CLSTN2: variants seen among roughly 807,000 people sequenced by gnomAD.
The protein encoded by CLSTN2 is calsyntenin-2.
Under a neutral mutation model 101.2 loss-of-function variants are expected in CLSTN2, and 48 were observed. The ratio of observed to expected loss-of-function variants is 0.47; its 90% CI spans 0.38 to 0.60. CLSTN2 has a LOEUF of 0.60. Ranked by LOEUF, CLSTN2 falls within the 20% of genes least tolerant of loss-of-function variation. The probability of loss-of-function intolerance (pLI) is 0.00; values close to 1 mark genes in which losing one functional copy is unlikely to be tolerated. For synonymous variants in CLSTN2, 481 were observed against 463.6 expected (o/e 1.04, Z -0.48); for missense variants, 1,160 against 1,238.2 (o/e 0.94, Z 0.95).
At chr3:140,447,775 C>T (rs1218120373) in intron 5 of CLSTN2, among the ~76,000 whole-genome samples, 1 of 152,020 alleles carries the variant, frequency 6.6e-6, no homozygotes, top group African/African-American at 2.4e-5. Context: ...GTGAGGGGCA[C>T]AACACTCAAA....
At chr3:140,514,364 T>G (rs1934875419) in intron 8 of CLSTN2, among the ~76,000 whole-genome samples, 1 of 152,166 alleles carries the variant, frequency 6.6e-6, no homozygotes, top group Admixed American at 6.5e-5. Flanking sequence ...GAACATATGA[T>G]GTTTGATTTT....
At chr3:140,188,402 C>A (rs948605296) in intron 2 of CLSTN2, among the ~76,000 whole-genome samples, 1 of 152,158 alleles carries the variant, frequency 6.6e-6, no homozygotes, top group Non-Finnish European at 1.5e-5. Flanking sequence ...TTACAACCTA[C>A]CACTAAGAAG....
chr3:140,459,697 T>C lies in CLSTN2; in HGVS notation c.1150T>C (p.Trp384Arg), dbSNP rs1324477929. ...GACCGATCAGTTCACCATCACCATG[T>C]GGATGAAACACGGCCCCAGCCCTGG... ...NLTDQFTITM[W>R]MKHGPSPGVR... The change falls in exon 7 of 17, where the codon TGG (tryptophan) becomes CGG (arginine). Residue 384 changes from tryptophan (W) to arginine (R), a missense_variant. Physicochemically the swap from Trp to Arg is moderately radical, Grantham distance 101. Transcript: ENST00000458420. 2 of 1,614,100 alleles carry C rather than the reference T, an allele frequency of 1.2e-6. No homozygotes were observed. The highest frequency in any genetic ancestry group is 2.2e-5 in the East Asian group (1 of 44,866).
intron 1 of CLSTN2, among the ~76,000 whole-genome samples, chr3:139,956,302 A>G (rs1408234742): frequency 6.6e-6 from 1 of 152,094 alleles, no homozygotes; most frequent in Non-Finnish European, 1.5e-5. Flanking sequence ...TCTACTTTGT[A>G]CTCATTGAAG....
At chr3:140,195,383 C>A (rs2010629427) in intron 2 of CLSTN2, among the ~76,000 whole-genome samples, 1 of 152,184 alleles carries the variant, frequency 6.6e-6, no homozygotes, top group African/African-American at 2.4e-5. Context: ...TGTGTCATTT[C>A]TTGGGTCTCA....
In CLSTN2 at chr3:140,246,549, G is replaced by A. The variant is rs575478917; in HGVS notation, c.232+70476G>A. Among the ~76,000 whole-genome samples the A allele has an allele frequency of 7.9e-5, 12 of 152,186 alleles. No individual in the cohort carries two copies. In the South Asian group the frequency reaches 2.5e-3, roughly 32 times the overall value. On this transcript the variant is annotated intron_variant, in intron 2 of 16. Transcript: ENST00000458420. ...CCTGTGTTTTCTGGCCTGCACAATG[G>A]GCATGATACTGATTTCAGAGAATGA...
chr3:140,387,490 G>A (rs1490123259), intron 2 of CLSTN2, among the ~76,000 whole-genome samples: 2 of 152,198 alleles, frequency 1.3e-5, no homozygotes, highest in African/African-American at 4.8e-5. Context: ...GCAAAAGCCT[G>A]CTTGTTAATA....
intron 2 of CLSTN2, among the ~76,000 whole-genome samples, chr3:140,380,737 G>T (rs1047763763): frequency 1.3e-5 from 2 of 152,142 alleles, no homozygotes; most frequent in Admixed American, 1.3e-4. Flanking sequence ...CCATCTGCTG[G>T]AACCAATCTT....
At chr3:140,362,182 A>G (rs1249093816) in intron 2 of CLSTN2, among the ~76,000 whole-genome samples, 1 of 152,188 alleles carries the variant, frequency 6.6e-6, no homozygotes, top group African/African-American at 2.4e-5. Context: ...TGATCAAGTG[A>G]CTTTCAACAG....
intron 1 of CLSTN2, among the ~76,000 whole-genome samples, chr3:140,058,186 C>A (rs987942923): frequency 5.3e-5 from 8 of 152,156 alleles, no homozygotes; most frequent in African/African-American, 1.9e-4. Context: ...AAGCCAGTAT[C>A]CCTGCCCTCA....
chr3:140,514,610 C>T (rs887836289), intron 8 of CLSTN2, among the ~76,000 whole-genome samples: 3 of 152,150 alleles, frequency 2.0e-5, no homozygotes, highest in Non-Finnish European at 2.9e-5. Context: ...GTATCTTTTT[C>T]ATATAATGAC....
rs766802846 is a variant in CLSTN2 at position 140,566,187 on chromosome 3, C to A, written c.2802C>A (p.Gly934=). The part of the protein sequence containing the change: ...EEEEEEGMGR[G]RHGQNGARQA... The stretch of plus-strand genomic sequence containing the variant: ...AGGAGGAGGAAGGGATGGGCAGAGG[C>A]AGACATGGGCAGAATGGAGCCAGGC... Residue 934 remains glycine, a synonymous_variant, in exon 17 of 17, where the codon GGC becomes GGA. Transcript: ENST00000458420. 1 of 1,606,530 alleles carries A rather than the reference C, an allele frequency of 6.2e-7. No individual in the cohort carries two copies. Among genetic ancestry groups the A allele is most frequent in the African/African-American group, 1.3e-5 (1 of 74,836 alleles).
intron 2 of CLSTN2, among the ~76,000 whole-genome samples, chr3:140,305,136 T>C (rs2087100541): frequency 6.6e-6 from 1 of 151,776 alleles, no homozygotes; most frequent in Non-Finnish European, 1.5e-5. Context: ...CCCTCTTTAG[T>C]ACTAATCACT....
At chr3:140,199,350 C>T (rs2010689521) in intron 2 of CLSTN2, among the ~76,000 whole-genome samples, 2 of 152,180 alleles carry the variant, frequency 1.3e-5, no homozygotes, top group Admixed American at 6.5e-5. Flanking sequence ...TCCTGACCAT[C>T]AGAATCACCT....
intron 1 of CLSTN2, among the ~76,000 whole-genome samples, chr3:140,041,100 T>G (rs1287512391): frequency 1.3e-5 from 2 of 152,196 alleles, no homozygotes; most frequent in Non-Finnish European, 2.9e-5. Flanking sequence ...TATTACCTCT[T>G]CCATTCATCA....
chr3:140,462,417 T>C (rs1419336040), intron 7 of CLSTN2, among the ~76,000 whole-genome samples: 1 of 152,208 alleles, frequency 6.6e-6, no homozygotes, highest in African/African-American at 2.4e-5. Context: ...ATATACCTTT[T>C]GGACATTTCT....
intron 8 of CLSTN2, among the ~76,000 whole-genome samples, chr3:140,502,710 G>A (rs1229830629): frequency 6.6e-6 from 1 of 152,168 alleles, no homozygotes; most frequent in Non-Finnish European, 1.5e-5. Flanking sequence ...GTCGGGAGAA[G>A]TGGAAGAAGG....
At chr3:140,200,562 G>A (rs1215852072) in intron 2 of CLSTN2, among the ~76,000 whole-genome samples, 3 of 152,196 alleles carry the variant, frequency 2.0e-5, no homozygotes, top group Admixed American at 6.5e-5. Flanking sequence ...TGCCAGGGAT[G>A]TGAAAGCATC....
At chr3:140,269,482 T>C (rs1009185666) in intron 2 of CLSTN2, among the ~76,000 whole-genome samples, 2 of 152,236 alleles carry the variant, frequency 1.3e-5, no homozygotes, top group African/African-American at 4.8e-5. Flanking sequence ...AATCAATGTT[T>C]GTAATCAAAG....
Sources: gnomAD v4.1 joint callset for allele counts (sites outside exome capture counted in the v4.1 genomes callset) on GRCh38, gnomAD v4.1.1 for gene constraint, MANE v1.5 for transcripts, NCBI Gene and HGNC (gene_info 2026-07-23, HGNC 2026-07-21) for gene names.